The following CDC42BPG variants were observed in gnomAD, a reference collection of about 807,000 sequenced individuals.
The protein encoded by CDC42BPG is serine/threonine-protein kinase MRCK gamma.
In CDC42BPG, 157 loss-of-function variants were observed where a neutral mutation model predicts 192.2. That is an observed-to-expected ratio of 0.82 (90% CI 0.72 to 0.93). CDC42BPG has a LOEUF of 0.93. CDC42BPG is among the 40% of genes least tolerant of loss of function. The pLI is 0.00. For missense variants in CDC42BPG, 1,992 were observed against 2,122.1 expected (o/e 0.94, Z 1.20); for synonymous variants, 981 against 918.5 (o/e 1.07, Z -1.23).
chr11:64,823,654 T>C lies in CDC42BPG; in HGVS notation c.*819A>G, dbSNP rs1942320831. The C allele has an allele frequency of 1.3e-5, 2 of 152,008 alleles. No homozygotes were observed. Among genetic ancestry groups the C allele is most frequent in the Admixed American group, 1.3e-4 (2 of 15,266 alleles). The allele number at this position is 152,008 out of a possible 1,614,324, so 9.4% of individuals were successfully genotyped here. A position where few individuals can be genotyped will look rare whatever the true frequency, so the allele number is the denominator to read the frequency against. On this transcript the variant is annotated 3_prime_UTR_variant, in exon 37 of 37. Coordinates refer to ENST00000342711, the MANE Select transcript of CDC42BPG (RefSeq NM_017525.3). ...CCGGAGACCCTCCAGTGGCCCCCAC[T>C]GGGTACCCATCTCCCACCAAAAAGC...
chr11:64,840,283 C>T lies in CDC42BPG; in HGVS notation c.433-15G>A. The T allele has an allele frequency of 6.2e-7, 1 of 1,607,132 alleles. No homozygotes were observed. Among genetic ancestry groups the T allele is most frequent in the Non-Finnish European group, 8.5e-7 (1 of 1,178,390 alleles). On this transcript the variant is annotated splice_polypyrimidine_tract_variant and intron_variant, in intron 4 of 36. Transcript: ENST00000342711. ...ATCACAAGGTACTGGAGGTGGCGGACAAGAATCAGACCCGGGGGAAGGGTG... is the reference window on the plus strand; with the variant it reads ...ATCACAAGGTACTGGAGGTGGCGGATAAGAATCAGACCCGGGGGAAGGGTG...
rs1306043418 is a variant in CDC42BPG at position 64,836,978 on chromosome 11, T to C, written c.1247A>G (p.Glu416Gly). 6.2e-7 allele frequency: 1 copy of C among 1,613,452 alleles called. No homozygotes were observed. Among genetic ancestry groups the C allele is most frequent in the Admixed American group, 1.7e-5 (1 of 60,026 alleles). ...CTGCTCCAGACACTGGAGCTTCCGCTCCAGGGCAGCCCAAGCCTCAGAGCT... is the reference window on the plus strand; with the variant it reads ...CTGCTCCAGACACTGGAGCTTCCGCCCCAGGGCAGCCCAAGCCTCAGAGCT... ...ESSSEAWAAL[E>G]RKLQCLEQEK... Residue 416 changes from glutamate to glycine, a missense_variant, in exon 10 of 37, where the codon GAG (glutamate) becomes GGG (glycine). Transcript: ENST00000342711.
In CDC42BPG at chr11:64,835,524, T is replaced by A; in HGVS notation, c.1856A>T (p.Gln619Leu). 1.1e-5 allele frequency: 17 copies of A among 1,596,842 alleles called. No individual in the cohort carries two copies. Among genetic ancestry groups the A allele is most frequent in the Non-Finnish European group, 1.4e-5 (17 of 1,174,564 alleles). The change falls in exon 15 of 37, where the codon CAG becomes CTG. Residue 619 changes from glutamine (Q) to leucine (L), a missense_variant. Physicochemically the swap from Gln to Leu is moderately radical, Grantham distance 113 (BLOSUM62 -2). Coordinates refer to ENST00000342711, the MANE Select transcript of CDC42BPG (RefSeq NM_017525.3). ...LRKEVAALRE[Q>L]LEQAHSHRPS... The stretch of plus-strand genomic sequence containing the variant: ...CCTGTGGCTGTGGGCCTGCTCCAGC[T>A]GCTCTCGCAGGGCGGCCACCTCCTT...
chr11:64,835,330 T>C lies in CDC42BPG; in HGVS notation c.1953+17A>G, dbSNP rs766449563. ...TTGTCCGTCTGTTGTACCCTCCGTC[T>C]GTTGTACCCTGCTCACCCGCTCCTG... On this transcript the variant is annotated intron_variant, in intron 16 of 36. Transcript: ENST00000342711. 1.2e-6 allele frequency: 2 copies of C among 1,613,376 alleles called. No homozygotes were observed. The highest frequency in any genetic ancestry group is 3.3e-5 in the Admixed American group (2 of 60,024).
chr11:64,838,022 C>A, intron 9 of CDC42BPG, 61 bp downstream of exon 9: 10 of 1,419,852 alleles, frequency 7.0e-6, no homozygotes, highest in Non-Finnish European at 9.7e-6. Flanking sequence ...GCTACGCGCC[C>A]AGTGTCCTCC....
At position 64,839,141 on chromosome 11, in the gene CDC42BPG, C is replaced by T. The variant is rs748461114; in HGVS notation, c.768G>A (p.Gln256=). 3.1e-6 allele frequency: 5 copies of T among 1,613,564 alleles called. No homozygotes were observed. Among genetic ancestry groups the T allele is most frequent in the Non-Finnish European group, 4.2e-6 (5 of 1,180,038 alleles). The change falls in exon 7 of 37, where the codon CAG becomes CAA. Residue 256 remains glutamine (Q), a synonymous_variant. Coordinates refer to ENST00000342711, the MANE Select transcript of CDC42BPG (RefSeq NM_017525.3). ...AGACTCCAAGCGACCACCAGTCACA[C>T]TGTGGGCCGTAGTGGCCCTTGCCCT... ...MEEGKGHYGP[Q]CDWWSLGVCA...
chr11:64,837,794 G>A (rs1333190695), intron 9 of CDC42BPG, among the ~76,000 whole-genome samples: 5 of 152,228 alleles, frequency 3.3e-5, no homozygotes, highest in Non-Finnish European at 7.3e-5. Context: ...CACAAAGTGA[G>A]GCCTGGGAGC....
At chr11:64,833,542 A>AT in intron 23 of CDC42BPG, 58 bp downstream of exon 23, 1 of 1,506,902 alleles carries the variant, frequency 6.6e-7, no homozygotes, top group South Asian at 1.2e-5. Flanking sequence ...CACAGTGCCC[A>AT]TTCAGCCTGG....
chr11:64,826,358 C>A, intron 36 of CDC42BPG, 112 bp downstream of exon 36: 1 of 738,430 alleles, frequency 1.4e-6, no homozygotes, highest in Non-Finnish European at 2.4e-6. Context: ...GAATCGAGGG[C>A]AGGGATGGGC....
At position 64,834,581 on chromosome 11, in the gene CDC42BPG, G is replaced by A; in HGVS notation, c.2176-4C>T. On this transcript the variant is annotated splice_region_variant and splice_polypyrimidine_tract_variant and intron_variant, in intron 18 of 36. Coordinates refer to ENST00000342711, the MANE Select transcript of CDC42BPG (RefSeq NM_017525.3). ...GCCGCGCCTTCCACTGGTGGTCCTGGTGGCCACGGAGCACCCGTATAAGAT... is the reference window on the plus strand; with the variant it reads ...GCCGCGCCTTCCACTGGTGGTCCTGATGGCCACGGAGCACCCGTATAAGAT... 6.4e-7 allele frequency: 1 copy of A among 1,552,564 alleles called. No homozygotes were observed. Among genetic ancestry groups the A allele is most frequent in the Non-Finnish European group, 8.7e-7 (1 of 1,146,430 alleles).
In CDC42BPG at chr11:64,827,415, G is replaced by A. The variant is rs367598040; in HGVS notation, c.4151-17C>T. 10 of 1,611,882 alleles carry A rather than the reference G, an allele frequency of 6.2e-6. 1 individual carries two copies. Among genetic ancestry groups the A allele is most frequent in the South Asian group, 4.4e-5 (4 of 91,064 alleles). On this transcript the variant is annotated splice_polypyrimidine_tract_variant and intron_variant, in intron 32 of 36. Coordinates refer to ENST00000342711, the MANE Select transcript of CDC42BPG (RefSeq NM_017525.3). ...CGTCCTTCTCTGTGGGAGAAGTGGAGAGCTGGGCTGTGCTCACACATTCCC... is the reference window on the plus strand; with the variant it reads ...CGTCCTTCTCTGTGGGAGAAGTGGAAAGCTGGGCTGTGCTCACACATTCCC...
chr11:64,840,564 C>T lies in CDC42BPG; in HGVS notation c.421G>A (p.Glu141Lys), dbSNP rs537769673. 21 of 1,613,902 alleles carry T rather than the reference C, an allele frequency of 1.3e-5. No homozygotes were observed. Among genetic ancestry groups the T allele is most frequent in the East Asian group, 4.5e-5 (2 of 44,880 alleles). The change falls in exon 4 of 37, where the codon GAG (glutamate) becomes AAG (lysine). Residue 141 changes from glutamate to lysine, a missense_variant. By Grantham distance (56) the Glu-to-Lys change is moderately conservative. Around this residue, in one of 2 missense-constraint regions of CDC42BPG, gnomAD observed 1,656 missense variants for 1,844.3 expected, o/e 0.90. Transcript: ENST00000342711. ...CCACGTATCCTCACCAGGTACTCCT[C>T]GTCTTGGAAGGCATAGTGCAGAGTG... Reference protein sequence around the residue: ...VTTLHYAFQDEEYLYLVMDYY... With the variant: ...VTTLHYAFQDKEYLYLVMDYY...
rs942642183 is a variant in CDC42BPG, at chr11:64,827,835, A to T, written c.3968-52T>A. The T allele has an allele frequency of 2.1e-6, 3 of 1,452,274 alleles. No homozygotes were observed. In the African/African-American group the frequency reaches 4.2e-5, roughly 20 times the overall value. 90.0% of individuals were successfully genotyped at this position (1,452,274 alleles called of 1,614,324 possible). ...CTGTTTCCCCCTCTGTTCCACAGGG[A>T]ACACCTTGTCCCCTGCCACAGCACA... On this transcript the variant is annotated intron_variant, in intron 30 of 36. Transcript: ENST00000342711.
chr11:64,827,517 A>G lies in CDC42BPG; in HGVS notation c.4150+10T>C. On this transcript the variant is annotated intron_variant, in intron 32 of 36. Transcript: ENST00000342711. ...GGAACGCACACACCCGTACACACGC[A>G]CTCCCTCACCTGCCAGCTGGTTCCT... 2.5e-6 allele frequency: 4 copies of G among 1,608,192 alleles called. No individual in the cohort carries two copies. The highest frequency in any genetic ancestry group is 1.7e-5 in the Admixed American group (1 of 59,614).
intron 1 of CDC42BPG, 127 bp downstream of exon 1, chr11:64,844,283 G>GC (rs1036959430): frequency 1.1e-6 from 1 of 915,990 alleles, no homozygotes; most frequent in African/African-American, 1.7e-5. Flanking sequence ...ACGCGTCAGG[G>GC]CCACTGCAGG....
rs963340511 is a variant in CDC42BPG at position 64,834,804 on chromosome 11, A to T, written c.2175+45T>A. ...AGGGATGCTGAGCTCACGGAAGGTC[A>T]GTGACTTGCCCAAGCCAGCCCCCAG... On this transcript the variant is annotated intron_variant, in intron 18 of 36. Transcript: ENST00000342711. 6 of 1,567,322 alleles carry T rather than the reference A, an allele frequency of 3.8e-6. No individual in the cohort carries two copies. In the African/African-American group the frequency reaches 6.8e-5, roughly 18 times the overall value.
chr11:64,838,683 C>G lies in CDC42BPG; in HGVS notation c.1096G>C (p.Asp366His). 3 of 1,613,148 alleles carry G rather than the reference C, an allele frequency of 1.9e-6. No homozygotes were observed. Among genetic ancestry groups the G allele is most frequent in the Non-Finnish European group, 2.5e-6 (3 of 1,179,946 alleles). ...TGGTTGAGGGTGTCGTCATCCACATCAAAGTTGGAGGTGTCCATGGGCCCC... is the reference window on the plus strand; with the variant it reads ...TGGTTGAGGGTGTCGTCATCCACATGAAAGTTGGAGGTGTCCATGGGCCCC... Reference protein sequence around the residue: ...LRGPMDTSNFDVDDDTLNHPG... With the variant: ...LRGPMDTSNFHVDDDTLNHPG... Residue 366 changes from aspartate (D) to histidine (H), a missense_variant, in exon 8 of 37, where the codon GAT (aspartate) becomes CAT (histidine). This residue lies in a region of CDC42BPG where 1,656 missense variants were observed against 1,844.3 expected (regional missense o/e 0.90). Coordinates refer to ENST00000342711, the MANE Select transcript of CDC42BPG (RefSeq NM_017525.3).
In CDC42BPG at chr11:64,832,844, G is replaced by T. The variant is rs1031392330; in HGVS notation, c.2847C>A (p.Ala949=). Residue 949 remains alanine (A), a synonymous_variant, in exon 25 of 37, where the codon GCC becomes GCA. Coordinates refer to ENST00000342711, the MANE Select transcript of CDC42BPG (RefSeq NM_017525.3). ...GVHPETGTGT[A]YEGFLSVPRP... Reference sequence around the variant, plus strand: ...CACTCACCGACAGAAAGCCCTCATAGGCAGTGCCTGTGCCTGTTTCGGGGT... The same window carrying T: ...CACTCACCGACAGAAAGCCCTCATATGCAGTGCCTGTGCCTGTTTCGGGGT... The T allele has an allele frequency of 3.8e-6, 6 of 1,581,072 alleles. No individual in the cohort carries two copies. Among genetic ancestry groups the T allele is most frequent in the Non-Finnish European group, 5.2e-6 (6 of 1,163,810 alleles).
chr11:64,844,436 C>A lies in CDC42BPG; in HGVS notation c.134G>T (p.Arg45Leu), dbSNP rs1455824391. 4 of 1,452,262 alleles carry A rather than the reference C, an allele frequency of 2.8e-6. No individual in the cohort carries two copies. The highest frequency in any genetic ancestry group is 1.3e-5 in the South Asian group (1 of 74,824). 90.0% of individuals were successfully genotyped at this position (1,452,262 alleles called of 1,614,324 possible). ...CCAGCTCAGGAACTGCGCCACGCTG[C>A]GCTCCCGCCGTAGGGGGCCGCTGCT... is the stretch of plus-strand genomic sequence containing the variant. ...ELSSGPLRRE[R>L]SVAQFLSWAS... The change falls in exon 1 of 37, where the codon CGC (arginine) becomes CTC (leucine). Residue 45 changes from arginine to leucine, a missense_variant. Transcript: ENST00000342711.
Sources: gnomAD v4.1 joint callset for allele counts (sites outside exome capture counted in the v4.1 genomes callset) on GRCh38, gnomAD v4.1.1 for gene constraint, gnomAD v4.1.1 regional missense constraint, MANE v1.5 for transcripts, NCBI Gene and HGNC (gene_info 2026-07-23, HGNC 2026-07-21) for gene names.